MSH3: variants seen among roughly 807,000 people sequenced by gnomAD.
MSH3 encodes mutS homolog 3, also known as DNA mismatch repair protein Msh3.
A neutral mutation model predicts 123.3 loss-of-function variants in MSH3; 106 were observed. The ratio of observed to expected loss-of-function variants is 0.86; its 90% confidence interval spans 0.73 to 1.01. The LOEUF is 1.01. Among genes scored for constraint, MSH3 ranks in the 50% least tolerant of loss-of-function variants. MSH3 has a pLI of 0.00. For missense variants in MSH3, 1,459 were observed against 1,347.6 expected, an observed-to-expected ratio of 1.08 and a Z score of -1.29; for synonymous variants, 515 against 481.4, an observed-to-expected ratio of 1.07 and a Z score of -0.91.
intron 19 of MSH3, among the ~76,000 whole-genome samples, chr5:80,797,549 A>G (rs896483509): frequency 6.6e-6 from 1 of 152,204 alleles, no homozygotes; most frequent in Non-Finnish European, 1.5e-5. Context: ...GGGATCTTTT[A>G]GTGTAACCAC....
Position 80,685,731 on chromosome 5 carries a change from G to T in MSH3, c.1340+6638G>T, listed in dbSNP as rs571992088. On this transcript the variant is annotated intron_variant, in intron 8 of 23. Transcript: ENST00000265081. ...TGCTCTTGCTTTTCTAGTTCTTCAA[G>T]GTTTATCATTTGGTTATTTATTTGA... 2.2e-4 allele frequency among the ~76,000 whole-genome samples: 34 copies of T among 151,742 alleles called. No homozygotes were observed. In the South Asian group the frequency reaches 3.1e-3, roughly 14 times the overall value.
In MSH3 at chr5:80,767,999, A is replaced by G; in HGVS notation, c.1963A>G (p.Ile655Val). The G allele has an allele frequency of 6.2e-7, 1 of 1,613,634 alleles. No individual in the cohort carries two copies. The highest frequency in any genetic ancestry group is 8.5e-7 in the Non-Finnish European group (1 of 1,179,636). The change falls in exon 14 of 24, where the codon ATA becomes GTA. Residue 655 changes from isoleucine (I) to valine (V), a missense_variant. Ile to Val is a conservative substitution (Grantham distance 29). Transcript: ENST00000265081. ...LYHLKSEFQA[I>V]IPAVNSHIQS... ...TCACCTAAAGTCAGAATTTCAAGCA[A>G]TAATACCTGCTGTTAATTCCCACAT...
intron 8 of MSH3, among the ~76,000 whole-genome samples, chr5:80,701,150 A>C (rs1750601314): frequency 6.6e-6 from 1 of 152,208 alleles, no homozygotes; most frequent in Admixed American, 6.5e-5. Context: ...CTAAATATTA[A>C]AGTAGTCTTT....
intron 21 of MSH3, among the ~76,000 whole-genome samples, chr5:80,863,648 C>T (rs1580097751): frequency 6.7e-6 from 1 of 149,250 alleles, no homozygotes; most frequent in Admixed American, 6.7e-5. Context: ...AACAGAGTGA[C>T]ACTCCGTCTC....
chr5:80,822,111 A>AC (rs1745212819), intron 20 of MSH3, among the ~76,000 whole-genome samples: 2 of 152,204 alleles, frequency 1.3e-5, no homozygotes, highest in Admixed American at 6.5e-5. Flanking sequence ...TATGGGAAAG[A>AC]ATAGGGGCTT....
chr5:80,835,960 T>A (rs1194802816), intron 20 of MSH3, among the ~76,000 whole-genome samples: 5 of 152,190 alleles, frequency 3.3e-5, no homozygotes, highest in African/African-American at 1.2e-4. Flanking sequence ...TGTGACAGTC[T>A]TTAATAACAA....
At chr5:80,807,390 T>G (rs1278958505) in intron 19 of MSH3, among the ~76,000 whole-genome samples, 1 of 152,154 alleles carries the variant, frequency 6.6e-6, no homozygotes, top group Non-Finnish European at 1.5e-5. Flanking sequence ...GAAAAAAGTA[T>G]GAACTATGTG....
At chr5:80,803,887 G>T (rs1228693843) in intron 19 of MSH3, among the ~76,000 whole-genome samples, 1 of 151,958 alleles carries the variant, frequency 6.6e-6, no homozygotes, top group Non-Finnish European at 1.5e-5. Context: ...TTTGTTTCTG[G>T]GTTCTCTATT....
chr5:80,767,376 G>A (rs932978507), intron 13 of MSH3, among the ~76,000 whole-genome samples: 11 of 152,012 alleles, frequency 7.2e-5, no homozygotes, highest in Non-Finnish European at 1.3e-4. Context: ...CCTGTTACAT[G>A]GTTATTGTGA....
intron 4 of MSH3, among the ~76,000 whole-genome samples, chr5:80,670,699 A>G (rs758354604): frequency 4.6e-5 from 7 of 152,218 alleles, no homozygotes; most frequent in Admixed American, 6.5e-5. Context: ...TTAATTTATG[A>G]ATTTTCATAG....
intron 14 of MSH3, among the ~76,000 whole-genome samples, chr5:80,768,401 A>C (rs1311606955): frequency 7.9e-5 from 12 of 152,132 alleles, no homozygotes; most frequent in Non-Finnish European, 1.6e-4. Flanking sequence ...TTAGTAGTTT[A>C]TTAACCCCAA....
chr5:80,739,542 A>G (rs962616280), intron 10 of MSH3, among the ~76,000 whole-genome samples: 4 of 152,226 alleles, frequency 2.6e-5, no homozygotes, highest in Admixed American at 1.3e-4. Flanking sequence ...GCTTAGATCT[A>G]TTAAGGAGGG....
intron 13 of MSH3, among the ~76,000 whole-genome samples, chr5:80,763,200 T>C (rs1446235075): frequency 6.6e-6 from 1 of 152,244 alleles, no homozygotes; most frequent in Non-Finnish European, 1.5e-5. Flanking sequence ...TCTATATTTT[T>C]CATCCCCTTT....
chr5:80,805,741 T>C (rs945771438), intron 19 of MSH3, among the ~76,000 whole-genome samples: 3 of 151,866 alleles, frequency 2.0e-5, no homozygotes, highest in Non-Finnish European at 2.9e-5. Flanking sequence ...ACTACAGGCA[T>C]GCGCCACCAC....
chr5:80,818,537 T>TG (rs1319036967), intron 20 of MSH3, among the ~76,000 whole-genome samples: 2 of 152,150 alleles, frequency 1.3e-5, no homozygotes, highest in East Asian at 1.9e-4. Flanking sequence ...AACCTTTTTT[T>TG]TTAAAGCACT....
chr5:80,695,943 C>G (rs1750468130), intron 8 of MSH3, among the ~76,000 whole-genome samples: 1 of 152,170 alleles, frequency 6.6e-6, no homozygotes, highest in Non-Finnish European at 1.5e-5. Flanking sequence ...GCCTTCTGTT[C>G]TAGCTGGCTT....
Position 80,845,995 on chromosome 5 carries a change from G to A in MSH3, c.2814-8135G>A, listed in dbSNP as rs185974884. On this transcript the variant is annotated intron_variant, in intron 20 of 23. Transcript: ENST00000265081. ...GAGGAGAAGAGGCGCTCTGGTTTTC[G>A]GAAGTTTCTGCTTTTCTGCTGTGGT... Among the ~76,000 whole-genome samples, 22 of 152,204 alleles carry A rather than the reference G, an allele frequency of 1.4e-4. No homozygotes were observed. The East Asian group carries it at 2.5e-3, about 17-fold the overall frequency.
At chr5:80,875,590 T>C (rs1478282243) in intron 23 of MSH3, among the ~76,000 whole-genome samples, 161 bp from the exon 24 acceptor site, 4 of 152,178 alleles carry the variant, frequency 2.6e-5, no homozygotes, top group African/African-American at 7.2e-5. Flanking sequence ...TAGTAGCAGC[T>C]CTGAAAGCTC....
At chr5:80,800,947 G>A (rs944715733) in intron 19 of MSH3, among the ~76,000 whole-genome samples, 27 of 152,292 alleles carry the variant, frequency 1.8e-4, no homozygotes, top group Non-Finnish European at 2.1e-4. Flanking sequence ...AGATTGGGTG[G>A]TCAAGGAAGG....
Sources: gnomAD v4.1 joint callset for allele counts (sites outside exome capture counted in the v4.1 genomes callset) on GRCh38, gnomAD v4.1.1 for gene constraint, MANE v1.5 for transcripts, NCBI Gene and HGNC (gene_info 2026-07-23, HGNC 2026-07-21) for gene names.